Variants in PCDHGA5 observed in about 807,000 individuals in gnomAD.
PCDHGA5 encodes the protein protocadherin gamma-A5.
A neutral mutation model predicts 56.7 loss-of-function variants in PCDHGA5; 36 were observed. The ratio of observed to expected loss-of-function variants is 0.64; its 90% confidence interval spans 0.49 to 0.84. The LOEUF is 0.84. Ranked by LOEUF, PCDHGA5 falls within the 40% of genes least tolerant of loss-of-function variation. PCDHGA5 has a pLI of 0.00. For missense variants in PCDHGA5, 1,305 were observed against 1,201.5 expected (o/e 1.09, Z -1.27); for synonymous variants, 563 against 520.2 (o/e 1.08, Z -1.12).
chr5:141,423,746 T>G, intron 1 of PCDHGA5: 2 of 384,794 alleles, frequency 5.2e-6, no homozygotes, highest in Non-Finnish European at 6.6e-6. Flanking sequence ...TTATGAAAAC[T>G]GTTTGGGGGG....
chr5:141,464,310 A>T lies in PCDHGA5; in HGVS notation c.2422-30497A>T, dbSNP rs1327900308. ...AAAAAACTCCATTGTATGTGCACAT[A>T]TCATTATCTGTTCAACCCATCTATG... On this transcript the variant is annotated intron_variant, in intron 1 of 3. Coordinates refer to ENST00000518069, the MANE Select transcript of PCDHGA5 (RefSeq NM_018918.3). 2.0e-5 allele frequency among the ~76,000 whole-genome samples: 3 copies of T among 151,494 alleles called. No homozygotes were observed. The East Asian group carries it at 5.8e-4, about 29-fold the overall frequency.
At chr5:141,388,668 C>G in intron 1 of PCDHGA5, 1 of 1,613,882 alleles carries the variant, frequency 6.2e-7, no homozygotes, top group Non-Finnish European at 8.5e-7. Flanking sequence ...GACCACGGTG[C>G]TACAGGTGAC....
chr5:141,414,351 G>A (rs771256149), intron 1 of PCDHGA5: 16 of 1,613,676 alleles, frequency 9.9e-6, no homozygotes, highest in South Asian at 6.6e-5. Flanking sequence ...CCATTTTGGC[G>A]TATCTACCAT....
chr5:141,419,065 C>T (rs763008753), intron 1 of PCDHGA5: 3 of 1,613,904 alleles, frequency 1.9e-6, no homozygotes, highest in Non-Finnish European at 2.5e-6. Flanking sequence ...ATAATTACTA[C>T]AAGCTAGTAA....
chr5:141,419,276 C>G (rs1361651445), intron 1 of PCDHGA5: 1 of 1,613,920 alleles, frequency 6.2e-7, no homozygotes, highest in African/African-American at 1.3e-5. Flanking sequence ...CTCCATAGCG[C>G]AAGTCAGTGC....
At position 141,447,667 on chromosome 5, in the gene PCDHGA5, G is replaced by A. The variant is rs115529144; in HGVS notation, c.2422-47140G>A. 2.4e-3 allele frequency among the ~76,000 whole-genome samples: 372 copies of A among 152,278 alleles called. 2 individuals are homozygous for A. Among genetic ancestry groups the A allele is most frequent in the African/African-American group, 8.6e-3 (358 of 41,546 alleles). The stretch of plus-strand genomic sequence containing the variant: ...TAGAATTTTCCCCCCCAGGAAGTTA[G>A]AACTGTTCCATATCTTGATAGAGGG... On this transcript the variant is annotated intron_variant, in intron 1 of 3. Transcript: ENST00000518069.
Position 141,489,381 on chromosome 5 carries a change from T to C in PCDHGA5, c.2422-5426T>C. 3 of 1,613,894 alleles carry C rather than the reference T, an allele frequency of 1.9e-6. No individual in the cohort carries two copies. The highest frequency in any genetic ancestry group is 2.5e-6 in the Non-Finnish European group (3 of 1,179,802). On this transcript the variant is annotated intron_variant, in intron 1 of 3. Coordinates refer to ENST00000518069, the MANE Select transcript of PCDHGA5 (RefSeq NM_018918.3). The surrounding 1 kb of genome is among the most constrained non-coding windows in gnomAD (Gnocchi z 4.5). ...CTGAGCCGGGGACGCTGGTGGGGAA[T>C]GTTGCTCAGGATCTGGGCTTAAAGA...
intron 1 of PCDHGA5, chr5:141,379,437 A>G (rs1344530566): frequency 6.6e-6 from 1 of 152,252 alleles, no homozygotes; most frequent in Non-Finnish European, 1.5e-5. Context: ...GGGCTGTTAT[A>G]CATATGATTA....
rs1049831420 is a variant in PCDHGA5 at position 141,486,549 on chromosome 5, C to T, written c.2422-8258C>T. ...AATCCACCCTCTTTCTTTCAGAGGTCACATGAGGTGTTTGTTCCTGAGAAC... is the reference window on the plus strand; with the variant it reads ...AATCCACCCTCTTTCTTTCAGAGGTTACATGAGGTGTTTGTTCCTGAGAAC... On this transcript the variant is annotated intron_variant, in intron 1 of 3. Coordinates refer to ENST00000518069, the MANE Select transcript of PCDHGA5 (RefSeq NM_018918.3). This position sits in a 1 kb window ranked among gnomAD's most constrained non-coding sequence, Gnocchi z 5.0. The T allele has an allele frequency of 3.1e-6, 5 of 1,613,982 alleles. No individual in the cohort carries two copies. In the African/African-American group the frequency reaches 4.0e-5, roughly 13 times the overall value.
chr5:141,389,078 C>T, intron 1 of PCDHGA5: 1 of 1,614,002 alleles, frequency 6.2e-7, no homozygotes, highest in Non-Finnish European at 8.5e-7. Flanking sequence ...CTTCAAGAAA[C>T]ACGTATAAAT....
In PCDHGA5 at chr5:141,477,428, T is replaced by C; in HGVS notation, c.2422-17379T>C. On this transcript the variant is annotated intron_variant, in intron 1 of 3. Transcript: ENST00000518069. The surrounding 1 kb of genome is among the most constrained non-coding windows in gnomAD (Gnocchi z 4.9). ...CCGAGACGCCGGAACCCCTTCCCTC[T>C]CAGCCCTTACAATAGTGCGTGTTCA... The C allele has an allele frequency of 6.2e-7, 1 of 1,614,142 alleles. No individual in the cohort carries two copies. Among genetic ancestry groups the C allele is most frequent in the Non-Finnish European group, 8.5e-7 (1 of 1,180,036 alleles).
At chr5:141,399,380 T>A (rs1361218028) in intron 1 of PCDHGA5, 5 of 1,613,820 alleles carry the variant, frequency 3.1e-6, no homozygotes, top group Non-Finnish European at 4.2e-6. Context: ...AATGTCACCA[T>A]CACAGCCACA....
intron 1 of PCDHGA5, chr5:141,383,006 C>A (rs751850819): frequency 1.9e-6 from 3 of 1,613,640 alleles, no homozygotes; most frequent in Non-Finnish European, 2.5e-6. Context: ...TACTCCGTGT[C>A]GGAGGAGACG....
rs369791160 is a variant in PCDHGA5 at position 141,431,269 on chromosome 5, C to G, written c.2422-63538C>G. On this transcript the variant is annotated intron_variant, in intron 1 of 3. Transcript: ENST00000518069. This position sits in a 1 kb window ranked among gnomAD's most constrained non-coding sequence, Gnocchi z 4.8. ...TCGGGAAGAACTCTCTGCAGAGCTA[C>G]GAGCTCAGCCCGAACACTCACTTCT... 1.4e-5 allele frequency: 22 copies of G among 1,614,034 alleles called. No individual in the cohort carries two copies. The highest frequency in any genetic ancestry group is 2.7e-5 in the African/African-American group (2 of 74,954).
chr5:141,438,344 C>A (rs1591501799), intron 1 of PCDHGA5, among the ~76,000 whole-genome samples: 1 of 151,664 alleles, frequency 6.6e-6, no homozygotes, highest in African/African-American at 2.4e-5. Flanking sequence ...ATATAAGGAT[C>A]TACTCTGTGT....
At chr5:141,447,650 T>TC (rs1036312126) in intron 1 of PCDHGA5, among the ~76,000 whole-genome samples, 5 of 151,988 alleles carry the variant, frequency 3.3e-5, no homozygotes, top group Non-Finnish European at 5.9e-5. Context: ...GGTAGAATTT[T>TC]CCCCCCCAGG....
chr5:141,464,622 CT>C (rs947370342), intron 1 of PCDHGA5, among the ~76,000 whole-genome samples: 8 of 152,058 alleles, frequency 5.3e-5, no homozygotes, highest in African/African-American at 1.9e-4. Flanking sequence ...TATTGTCAAG[CT>C]TTTTAATTGT....
Position 141,477,827 on chromosome 5 carries a change from C to T in PCDHGA5, c.2422-16980C>T, listed in dbSNP as rs2099419143. On this transcript the variant is annotated intron_variant, in intron 1 of 3. Coordinates refer to ENST00000518069, the MANE Select transcript of PCDHGA5 (RefSeq NM_018918.3). The surrounding 1 kb of genome is among the most constrained non-coding windows in gnomAD (Gnocchi z 4.9). ...CAATGCCCCCCAGGTCCTATATCCT[C>T]GGCCAGGTGGGAGCTCGGTGGAGAT... The T allele has an allele frequency of 1.2e-6, 2 of 1,614,038 alleles. No individual in the cohort carries two copies. Among genetic ancestry groups the T allele is most frequent in the African/African-American group, 1.3e-5 (1 of 74,928 alleles).
intron 1 of PCDHGA5, among the ~76,000 whole-genome samples, chr5:141,494,399 T>A (rs2099754028): frequency 6.6e-6 from 1 of 152,146 alleles, no homozygotes; most frequent in South Asian, 2.1e-4. Context: ...ATAAATTCAT[T>A]CTAGGGCTGG....
Sources: allele counts gnomAD v4.1 joint callset (sites outside exome capture counted in the v4.1 genomes callset), GRCh38; gene constraint gnomAD v4.1.1; non-coding constraint Gnocchi (gnomAD v3.1); transcripts MANE v1.5; gene names NCBI Gene and HGNC (gene_info 2026-07-23, HGNC 2026-07-21).